The following ST3GAL3 variants were observed in gnomAD, a reference collection of about 807,000 sequenced individuals.
The protein encoded by ST3GAL3 is ST3 beta-galactoside alpha-2,3-sialyltransferase 3.
Under a neutral mutation model 50.1 loss-of-function variants are expected in ST3GAL3, and 21 were observed. The ratio of observed to expected loss-of-function variants is 0.42; its 90% CI spans 0.30 to 0.60. The LOEUF (loss-of-function observed/expected upper bound fraction) is 0.60. Ranked by LOEUF, ST3GAL3 falls within the 20% of genes least tolerant of loss-of-function variation. The pLI is 0.19. For missense variants in ST3GAL3, 353 were observed against 489.4 expected (o/e 0.72, Z 2.63); for synonymous variants, 183 against 190.0 (o/e 0.96, Z 0.30).
chr1:43,834,854 A>C (rs3791075), intron 4 of ST3GAL3, among the ~76,000 whole-genome samples: 29,020 of 152,122 alleles, frequency 0.19, 3,416 homozygotes, highest in African/African-American at 0.31. Context: ...TGAAAATCAG[A>C]TTTTCCATCA....
At chr1:43,754,925 C>A (rs116049654) in intron 2 of ST3GAL3, among the ~76,000 whole-genome samples, 9 of 143,316 alleles carry the variant, frequency 6.3e-5, no homozygotes, top group South Asian at 2.2e-4. Flanking sequence ...AACCCTGTCT[C>A]AAAAAAAAAA....
chr1:43,899,798 C>T lies in ST3GAL3; in HGVS notation c.744+71C>T, dbSNP rs374485628. 587 of 1,413,614 alleles carry T rather than the reference C, an allele frequency of 4.2e-4. 4 individuals are homozygous for T. Among genetic ancestry groups the T allele is most frequent in the Admixed American group, 2.5e-3 (142 of 57,764 alleles). The allele number at this position is 1,413,614 out of a possible 1,614,324, so 87.6% of individuals were successfully genotyped here. A position where few individuals can be genotyped will look rare whatever the true frequency, so the allele number is the denominator to read the frequency against. Reference sequence around the variant, plus strand: ...CCGCAACTCCTAAGCAATCCCGCCCCTTGAATGCAGCAAAGAACGAGTAAG... The same window carrying T: ...CCGCAACTCCTAAGCAATCCCGCCCTTTGAATGCAGCAAAGAACGAGTAAG... On this transcript the variant is annotated intron_variant, in intron 9 of 11. Transcript: ENST00000347631. The surrounding 1 kb of genome is among the most constrained non-coding windows in gnomAD (Gnocchi z 5.4).
At chr1:43,850,608 C>A in intron 5 of ST3GAL3, 1 of 763,292 alleles carries the variant, frequency 1.3e-6, no homozygotes, top group Non-Finnish European at 2.4e-6. Flanking sequence ...GGCAATAGAA[C>A]AGGCTTCTAG....
At chr1:43,812,160 C>T (rs1162751491) in intron 3 of ST3GAL3, among the ~76,000 whole-genome samples, 1 of 152,192 alleles carries the variant, frequency 6.6e-6, no homozygotes, top group Non-Finnish European at 1.5e-5. Flanking sequence ...GCTGTCAGTC[C>T]ACATAATCTT....
At chr1:43,873,935 G>T (rs1053573903) in intron 5 of ST3GAL3, among the ~76,000 whole-genome samples, 1 of 152,080 alleles carries the variant, frequency 6.6e-6, no homozygotes, top group Admixed American at 6.5e-5. Context: ...AGAGAAGCTG[G>T]GACTGAGCCC....
intron 1 of ST3GAL3, among the ~76,000 whole-genome samples, chr1:43,730,571 C>A (rs796609238): frequency 8.2e-6 from 1 of 122,384 alleles, no homozygotes; most frequent in Admixed American, 8.3e-5. Context: ...TCTTTTCTTT[C>A]TTTTTTTTTT....
chr1:43,727,919 A>T (rs12087260), intron 1 of ST3GAL3, among the ~76,000 whole-genome samples: 1,873 of 152,296 alleles, frequency 0.012, 39 homozygotes, highest in African/African-American at 0.043. Context: ...CAGGTTTGTT[A>T]CATGGGTATT....
At chr1:43,869,492 G>C (rs2072117725) in intron 5 of ST3GAL3, among the ~76,000 whole-genome samples, 1 of 152,148 alleles carries the variant, frequency 6.6e-6, no homozygotes, top group Non-Finnish European at 1.5e-5. Context: ...TAGAGCTCAT[G>C]CTTGCTCCAG....
chr1:43,893,076 A>T (rs2076886311), intron 5 of ST3GAL3, among the ~76,000 whole-genome samples: 1 of 152,234 alleles, frequency 6.6e-6, no homozygotes, highest in Non-Finnish European at 1.5e-5. Context: ...AGGGAGCAGG[A>T]TTCCAAGTTT....
chr1:43,751,831 GT>G (rs961256804), intron 2 of ST3GAL3, among the ~76,000 whole-genome samples: 4 of 150,532 alleles, frequency 2.7e-5, no homozygotes, highest in Non-Finnish European at 5.9e-5. Context: ...TTTTTGTTCT[GT>G]TTTTTTTTGA....
At chr1:43,867,555 A>G (rs539603539) in intron 5 of ST3GAL3, among the ~76,000 whole-genome samples, 1 of 152,142 alleles carries the variant, frequency 6.6e-6, no homozygotes, top group Non-Finnish European at 1.5e-5. Flanking sequence ...ACATAGATGA[A>G]GTTTTGGCAG....
chr1:43,851,862 A>AATCC (rs1383755014), intron 5 of ST3GAL3, among the ~76,000 whole-genome samples: 4 of 152,200 alleles, frequency 2.6e-5, no homozygotes, highest in Non-Finnish European at 4.4e-5. Context: ...CGCACCAGCA[A>AATCC]CGTGACTGGC....
At chr1:43,790,417 CTG>C (rs2057908377) in intron 2 of ST3GAL3, among the ~76,000 whole-genome samples, 2 of 152,160 alleles carry the variant, frequency 1.3e-5, no homozygotes, top group Non-Finnish European at 2.9e-5. Context: ...TGGAGTAAGT[CTG>C]TGGAATCTGA....
intron 2 of ST3GAL3, among the ~76,000 whole-genome samples, chr1:43,784,325 A>C (rs913959334): frequency 6.6e-6 from 1 of 152,144 alleles, no homozygotes; most frequent in Non-Finnish European, 1.5e-5. Flanking sequence ...CCTGGCCAAC[A>C]TGGTGAAACC....
Position 43,758,171 on chromosome 1 carries a change from C to G in ST3GAL3, c.118+21791C>G, listed in dbSNP as rs942973756. Among the ~76,000 whole-genome samples the G allele has an allele frequency of 2.9e-5, 4 of 137,296 alleles. No individual in the cohort carries two copies. In the South Asian group the frequency reaches 7.7e-4, roughly 26 times the overall value. 90.1% of individuals were successfully genotyped at this position (137,296 alleles called of 152,430 possible). ...CCATTGGCTGCATACCACCCCCCCCCCCAAAAAAAAGGCAGTATCATCCAA... is the reference window on the plus strand; with the variant it reads ...CCATTGGCTGCATACCACCCCCCCCGCCAAAAAAAAGGCAGTATCATCCAA... On this transcript the variant is annotated intron_variant, in intron 2 of 11. Transcript: ENST00000347631.
intron 5 of ST3GAL3, among the ~76,000 whole-genome samples, chr1:43,855,189 C>T (rs905339290): frequency 1.3e-5 from 2 of 152,166 alleles, no homozygotes; most frequent in African/African-American, 4.8e-5. Context: ...TAAAGTGTCA[C>T]GCCATTTTTA....
chr1:43,855,007 C>T (rs568850648), intron 5 of ST3GAL3, among the ~76,000 whole-genome samples: 1 of 152,252 alleles, frequency 6.6e-6, no homozygotes, highest in South Asian at 2.1e-4. Flanking sequence ...ATATTCAGGT[C>T]TCTCTCATCT....
chr1:43,910,397 A>C (rs891703944), intron 9 of ST3GAL3, among the ~76,000 whole-genome samples: 2 of 152,208 alleles, frequency 1.3e-5, no homozygotes, highest in Non-Finnish European at 2.9e-5. Context: ...CACATCTTTG[A>C]GTTTCATTTT....
At chr1:43,784,949 T>G (rs2057103586) in intron 2 of ST3GAL3, among the ~76,000 whole-genome samples, 1 of 152,242 alleles carries the variant, frequency 6.6e-6, no homozygotes, top group Admixed American at 6.5e-5. Context: ...CTCCTGTCTC[T>G]GATTATTTCA....
Sources: allele counts gnomAD v4.1 joint callset (sites outside exome capture counted in the v4.1 genomes callset), GRCh38; gene constraint gnomAD v4.1.1; non-coding constraint Gnocchi (gnomAD v3.1); transcripts MANE v1.5; gene names NCBI Gene and HGNC (gene_info 2026-07-23, HGNC 2026-07-21).